Variants in EIF4G3 observed in about 807,000 individuals in gnomAD.
The protein encoded by EIF4G3 is eIF-4-gamma 3.
Under a neutral mutation model 186.4 loss-of-function variants are expected in EIF4G3, and 34 were observed. The ratio of observed to expected loss-of-function variants is 0.18; its 90% CI spans 0.14 to 0.24. The LOEUF is 0.24. Among genes scored for constraint, EIF4G3 ranks in the 10% least tolerant of loss-of-function variants. EIF4G3 has a pLI of 1.00. For missense variants in EIF4G3, 1,536 were observed against 1,948.5 expected, an observed-to-expected ratio of 0.79 and a Z score of 3.99; for synonymous variants, 673 against 679.5, an observed-to-expected ratio of 0.99 and a Z score of 0.15.
intron 3 of EIF4G3, among the ~76,000 whole-genome samples, chr1:21,069,903 C>T (rs1490817528): frequency 6.6e-6 from 1 of 151,978 alleles, no homozygotes; most frequent in African/African-American, 2.4e-5. Flanking sequence ...TGTTGTTTTA[C>T]GTAAAAGGTG....
chr1:20,868,490 C>A (rs1466827815), intron 20 of EIF4G3, among the ~76,000 whole-genome samples: 1 of 152,090 alleles, frequency 6.6e-6, no homozygotes, highest in Non-Finnish European at 1.5e-5. Flanking sequence ...ATGACCTCAA[C>A]TAAACCTAGT....
At chr1:20,968,381 T>C (rs1397241985) in intron 12 of EIF4G3, among the ~76,000 whole-genome samples, 2 of 152,158 alleles carry the variant, frequency 1.3e-5, no homozygotes, top group South Asian at 2.1e-4. Flanking sequence ...GGTTTCACCA[T>C]GTTGGCTAGA....
At chr1:21,075,164 C>A (rs1309121614) in intron 3 of EIF4G3, among the ~76,000 whole-genome samples, 1 of 151,990 alleles carries the variant, frequency 6.6e-6, no homozygotes, top group African/African-American at 2.4e-5. Flanking sequence ...ACTTATCTAT[C>A]AATAATAACC....
intron 3 of EIF4G3, among the ~76,000 whole-genome samples, chr1:21,057,662 C>T (rs186664524): frequency 7.9e-5 from 12 of 151,706 alleles, no homozygotes; most frequent in Admixed American, 3.9e-4. Flanking sequence ...CTTATATGAA[C>T]GTGTATTTTA....
At chr1:20,821,695 C>T (rs2062407138) in intron 33 of EIF4G3, among the ~76,000 whole-genome samples, 1 of 151,674 alleles carries the variant, frequency 6.6e-6, no homozygotes, top group South Asian at 2.1e-4. Context: ...ATGTATACTT[C>T]ACCATCTTCC....
intron 2 of EIF4G3, among the ~76,000 whole-genome samples, chr1:21,169,275 A>AC (rs1337058203): frequency 1.3e-5 from 2 of 151,816 alleles, no homozygotes; most frequent in Admixed American, 1.3e-4. Context: ...ACATGGTGAA[A>AC]CCCCACCTCT....
chr1:20,995,592 GA>G (rs1391211793), intron 7 of EIF4G3, among the ~76,000 whole-genome samples: 2 of 151,982 alleles, frequency 1.3e-5, no homozygotes, highest in African/African-American at 4.8e-5. Flanking sequence ...GGCTGGTCTT[GA>G]ACTCGTGACC....
chr1:21,094,800 TAATA>T (rs1278169539), intron 2 of EIF4G3, among the ~76,000 whole-genome samples: 2 of 146,334 alleles, frequency 1.4e-5, no homozygotes, highest in Admixed American at 1.4e-4. Flanking sequence ...ATAATAATAA[TAATA>T]AAAGCCAGGA....
At chr1:21,117,351 A>C (rs2096843271) in intron 2 of EIF4G3, among the ~76,000 whole-genome samples, 1 of 152,122 alleles carries the variant, frequency 6.6e-6, no homozygotes, top group Non-Finnish European at 1.5e-5. Context: ...GTCACACACA[A>C]AAAAATAATG....
At chr1:20,981,753 T>A (rs1026635166) in intron 8 of EIF4G3, among the ~76,000 whole-genome samples, 3 of 144,234 alleles carry the variant, frequency 2.1e-5, no homozygotes, top group Non-Finnish European at 4.7e-5. Context: ...CACATACATA[T>A]ATGTATACAC....
At chr1:20,964,801 T>A (rs1222996933) in intron 12 of EIF4G3, among the ~76,000 whole-genome samples, 2 of 152,232 alleles carry the variant, frequency 1.3e-5, no homozygotes, top group African/African-American at 4.8e-5. Context: ...CTGCTGACCA[T>A]GATAAAACCT....
At chr1:20,837,872 G>A (rs540507255) in intron 30 of EIF4G3, among the ~76,000 whole-genome samples, 1 of 152,230 alleles carries the variant, frequency 6.6e-6, no homozygotes, top group East Asian at 1.9e-4. Flanking sequence ...TAAATTGTCA[G>A]GCCTCTCCAT....
chr1:21,089,819 T>G (rs1285729762), intron 2 of EIF4G3, among the ~76,000 whole-genome samples: 1 of 151,998 alleles, frequency 6.6e-6, no homozygotes, highest in Non-Finnish European at 1.5e-5. Context: ...GAATTTGAAT[T>G]CAAAGAAATG....
At chr1:20,908,600 G>A (rs1385623131) in intron 14 of EIF4G3, among the ~76,000 whole-genome samples, 1 of 152,096 alleles carries the variant, frequency 6.6e-6, no homozygotes, top group Admixed American at 6.5e-5. Context: ...TCTGGTATCT[G>A]TAGGATGTAA....
chr1:21,084,709 T>C (rs928837526), intron 3 of EIF4G3, among the ~76,000 whole-genome samples: 2 of 152,134 alleles, frequency 1.3e-5, no homozygotes, highest in South Asian at 2.1e-4. Context: ...GTTTTTTTTT[T>C]CCTAGAAATC....
chr1:21,047,488 T>C (rs1036885943), intron 4 of EIF4G3, among the ~76,000 whole-genome samples: 10 of 152,186 alleles, frequency 6.6e-5, no homozygotes, highest in African/African-American at 1.7e-4. Flanking sequence ...CAGAGGAACT[T>C]TGTCTAAGAC....
intron 10 of EIF4G3, among the ~76,000 whole-genome samples, chr1:20,978,305 A>T (rs2077263483): frequency 6.6e-6 from 1 of 152,218 alleles, no homozygotes; most frequent in African/African-American, 2.4e-5. Context: ...TATATTGTGT[A>T]ACTTTTAAAC....
At chr1:21,060,597 G>C (rs1385966352) in intron 3 of EIF4G3, among the ~76,000 whole-genome samples, 8 of 152,072 alleles carry the variant, frequency 5.3e-5, no homozygotes, top group African/African-American at 1.9e-4. Flanking sequence ...AAGAGTACAA[G>C]AATAGAAGCA....
intron 35 of EIF4G3, 33 bp downstream of exon 35, chr1:20,813,125 A>T (rs778211193): frequency 1.4e-6 from 2 of 1,432,618 alleles, no homozygotes; most frequent in Non-Finnish European, 2.0e-6. Context: ...GGGATTTCAG[A>T]TGTTATGAGC....
Sources: gnomAD v4.1 joint callset for allele counts (sites outside exome capture counted in the v4.1 genomes callset) on GRCh38, gnomAD v4.1.1 for gene constraint, MANE v1.5 for transcripts, NCBI Gene and HGNC (gene_info 2026-07-23, HGNC 2026-07-21) for gene names.